The following PCDH9 variants were observed in gnomAD, a reference collection of about 807,000 sequenced individuals.
The protein encoded by PCDH9 is protocadherin-9.
Under a neutral mutation model 70.6 loss-of-function variants are expected in PCDH9, and 24 were observed. The ratio of observed to expected loss-of-function variants is 0.34; its 90% CI spans 0.25 to 0.48. The LOEUF is 0.48. Ranked by LOEUF, PCDH9 falls within the 20% of genes least tolerant of loss-of-function variation. The pLI, the probability that PCDH9 is intolerant of heterozygous loss-of-function variation, is 0.99. For missense variants in PCDH9, 1,281 were observed against 1,503.6 expected (o/e 0.85, Z 2.45); for synonymous variants, 562 against 558.5 (o/e 1.01, Z -0.09).
At chr13:67,163,188 CAGCCCCGAAAAATAAAA>C (rs914963601) in intron 2 of PCDH9, among the ~76,000 whole-genome samples, 11 of 152,286 alleles carry the variant, frequency 7.2e-5, no homozygotes, top group Non-Finnish European at 1.3e-4. Context: ...AGATCTCACC[CAGCCCCGAAAAATAAAA>C]ATGTGTAAGT....
At chr13:67,050,575 C>T (rs1811336848) in intron 2 of PCDH9, among the ~76,000 whole-genome samples, 1 of 152,144 alleles carries the variant, frequency 6.6e-6, no homozygotes, top group Non-Finnish European at 1.5e-5. Flanking sequence ...CATCTATAAG[C>T]AGTAGGCAGC....
chr13:66,315,691 G>C (rs968941715), intron 4 of PCDH9, among the ~76,000 whole-genome samples: 1 of 152,138 alleles, frequency 6.6e-6, no homozygotes, highest in Admixed American at 6.6e-5. Context: ...TTGTTGGTCA[G>C]GCTGGTCTCG....
rs928744207 is a variant in PCDH9 at position 66,941,731 on chromosome 13, T to G, written c.3037-38126A>C. Among the ~76,000 whole-genome samples the G allele has an allele frequency of 2.6e-5, 4 of 151,998 alleles. No individual in the cohort carries two copies. The South Asian group carries it at 8.3e-4, about 32-fold the overall frequency. ...ACATGTATGCACCAACTAACATAGT[T>G]TCAATATACATGAAGTAAAAACTAA... is the stretch of plus-strand genomic sequence containing the variant. On this transcript the variant is annotated intron_variant, in intron 2 of 4. Transcript: ENST00000377865.
chr13:67,097,328 GTTAAT>G lies in PCDH9; in HGVS notation c.3036+128072_3036+128076del, dbSNP rs369332542. On this transcript the variant is annotated intron_variant, in intron 2 of 4. Coordinates refer to ENST00000377865, the MANE Select transcript of PCDH9 (RefSeq NM_203487.3). The stretch of plus-strand genomic sequence containing the variant: ...TGTAAGTTTAACTAAAAGCTATCCT[GTTAAT>G]TTATTTTCTCATTTAGTGTTATGAA... Among the ~76,000 whole-genome samples the G allele has an allele frequency of 9.9e-4, 150 of 152,050 alleles. 7 individuals carry two copies. In the South Asian group the frequency reaches 0.03, roughly 31 times the overall value.
At chr13:66,929,535 G>A (rs1303095159) in intron 2 of PCDH9, among the ~76,000 whole-genome samples, 1 of 151,970 alleles carries the variant, frequency 6.6e-6, no homozygotes, top group Non-Finnish European at 1.5e-5. Context: ...TGTAGGTCAG[G>A]GTGGTCTTGA....
Position 66,650,806 on chromosome 13 carries a change from T to TA in PCDH9, c.3139-19396dup, listed in dbSNP as rs1307589895. Reference sequence around the variant, plus strand: ...GGCCACAAGACAAGTCTCAAAAATATAAAAAAACATTGAAATTATATCAAG... The same window carrying TA: ...GGCCACAAGACAAGTCTCAAAAATATAAAAAAAACATTGAAATTATATCAAG... On this transcript the variant is annotated intron_variant, in intron 3 of 4. Coordinates refer to ENST00000377865, the MANE Select transcript of PCDH9 (RefSeq NM_203487.3). 9.2e-5 allele frequency among the ~76,000 whole-genome samples: 14 copies of TA among 151,624 alleles called. No homozygotes were observed. The East Asian group carries it at 2.7e-3, about 29-fold the overall frequency.
At chr13:66,413,466 C>T (rs962296750) in intron 4 of PCDH9, among the ~76,000 whole-genome samples, 2 of 152,054 alleles carry the variant, frequency 1.3e-5, no homozygotes, top group African/African-American at 4.8e-5. Flanking sequence ...GCAGGCAAAT[C>T]ATGAGGTCAG....
chr13:66,835,182 G>A (rs1237669309), intron 3 of PCDH9, among the ~76,000 whole-genome samples: 2 of 152,184 alleles, frequency 1.3e-5, no homozygotes, highest in African/African-American at 4.8e-5. Context: ...ATTTCCTCTG[G>A]CAGCTTTTAA....
chr13:66,518,255 C>A (rs1593610362), intron 4 of PCDH9, among the ~76,000 whole-genome samples: 1 of 152,012 alleles, frequency 6.6e-6, no homozygotes, highest in East Asian at 1.9e-4. Context: ...TTACTTATTA[C>A]CAGGAGGATG....
chr13:67,113,492 T>A (rs570879664), intron 2 of PCDH9, among the ~76,000 whole-genome samples: 1 of 152,004 alleles, frequency 6.6e-6, no homozygotes, highest in Non-Finnish European at 1.5e-5. Flanking sequence ...TAATAATTAC[T>A]TTTTTTCCCA....
intron 2 of PCDH9, among the ~76,000 whole-genome samples, chr13:67,183,598 A>G (rs879611549): frequency 6.6e-6 from 1 of 152,210 alleles, no homozygotes; most frequent in Admixed American, 6.5e-5. Flanking sequence ...TTTTTAAAAA[A>G]TCAAAACCAA....
rs376833799 is a variant in PCDH9, at chr13:66,757,389, A to G, written c.3139-125978T>C. On this transcript the variant is annotated intron_variant, in intron 3 of 4. Coordinates refer to ENST00000377865, the MANE Select transcript of PCDH9 (RefSeq NM_203487.3). ...TTAGGTGACTAAATTATTTTTAGGT[A>G]TCTTGCTAAGGGCTTAGTTTAAATT... 4.6e-5 allele frequency among the ~76,000 whole-genome samples: 7 copies of G among 152,282 alleles called. No individual in the cohort carries two copies. The East Asian group carries it at 1.4e-3, about 29-fold the overall frequency.
chr13:66,761,099 T>C (rs2079619951), intron 3 of PCDH9, among the ~76,000 whole-genome samples: 1 of 152,134 alleles, frequency 6.6e-6, no homozygotes. Context: ...GATATTTTAT[T>C]GCCTTGGAAG....
intron 4 of PCDH9, among the ~76,000 whole-genome samples, chr13:66,588,225 G>A (rs1262122408): frequency 6.6e-6 from 1 of 151,804 alleles, no homozygotes; most frequent in Non-Finnish European, 1.5e-5. Flanking sequence ...CCCCCTGATG[G>A]TGCTTAACAT....
intron 2 of PCDH9, among the ~76,000 whole-genome samples, chr13:66,985,151 AT>A (rs2139783394): frequency 6.6e-6 from 1 of 152,070 alleles, no homozygotes; most frequent in African/African-American, 2.4e-5. Flanking sequence ...ATTCCTCAAT[AT>A]TTACCTTTTC....
chr13:66,624,176 T>A (rs1388556728), intron 4 of PCDH9, among the ~76,000 whole-genome samples: 1 of 152,218 alleles, frequency 6.6e-6, no homozygotes, highest in African/African-American at 2.4e-5. Flanking sequence ...ATTGTTTTTG[T>A]CTGCTTTTGA....
chr13:66,364,323 G>A (rs2138200625), intron 4 of PCDH9, among the ~76,000 whole-genome samples: 1 of 152,264 alleles, frequency 6.6e-6, no homozygotes, highest in African/African-American at 2.4e-5. Flanking sequence ...ATTTTGCCAT[G>A]AAACTAGAAG....
chr13:67,201,067 G>A (rs1292932143), intron 2 of PCDH9: 3 of 152,038 alleles, frequency 2.0e-5, no homozygotes, highest in African/African-American at 4.8e-5. Context: ...ATTTAGTAAA[G>A]AATGTTATCC....
intron 2 of PCDH9, among the ~76,000 whole-genome samples, chr13:67,040,673 T>C (rs1372797526): frequency 6.6e-6 from 1 of 152,100 alleles, no homozygotes; most frequent in Admixed American, 6.6e-5. Context: ...AAACTGAATA[T>C]GACATTTAGG....
Sources: allele counts gnomAD v4.1 joint callset (sites outside exome capture counted in the v4.1 genomes callset), GRCh38; gene constraint gnomAD v4.1.1; transcripts MANE v1.5; gene names NCBI Gene and HGNC (gene_info 2026-07-23, HGNC 2026-07-21).